GYS1: variants seen among roughly 807,000 people sequenced by gnomAD.
GYS1 encodes glycogen synthase 1.
In GYS1, 60 loss-of-function variants were observed where a neutral mutation model predicts 89.1. The observed-to-expected ratio is 0.67, with a 90% CI of 0.55 to 0.84. The LOEUF is 0.84. GYS1 is among the 40% of genes least tolerant of loss of function. The probability of loss-of-function intolerance (pLI) is 0.00; values close to 1 mark genes in which losing one functional copy is unlikely to be tolerated. For missense variants in GYS1, 888 were observed against 1,003.1 expected (o/e 0.89, Z 1.55); for synonymous variants, 366 against 401.7 (o/e 0.91, Z 1.06).
rs200703195 is a variant in GYS1, at chr19:48,985,867, A to C, written c.661T>G (p.Tyr221Asp). 1.9e-6 allele frequency: 3 copies of C among 1,613,558 alleles called. No homozygotes were observed. Among genetic ancestry groups the C allele is most frequent in the Non-Finnish European group, 2.5e-6 (3 of 1,180,028 alleles). ...CAGCTCACGTTCTCCAGGTTGTTGT[A>C]GAAGTCCACGGCACCGGCACACAGG... ...RYLCAGAVDF[Y>D]NNLENFNVDK... The change falls in exon 4 of 16, where the codon TAC becomes GAC. Residue 221 changes from tyrosine to aspartate, a missense_variant. Tyr to Asp is a radical substitution (Grantham distance 160, BLOSUM62 -3). Coordinates refer to ENST00000323798, the MANE Select transcript of GYS1 (RefSeq NM_002103.5).
chr19:48,970,580 A>G lies in GYS1; in HGVS notation c.1775T>C (p.Leu592Pro). 6.2e-7 allele frequency: 1 copy of G among 1,613,724 alleles called. No individual in the cohort carries two copies. The highest frequency in any genetic ancestry group is 8.5e-7 in the Non-Finnish European group (1 of 1,179,854). Residue 592 changes from leucine (L) to proline (P), a missense_variant, in exon 14 of 16, where the codon CTC becomes CCC. Physicochemically the swap from Leu to Pro is moderately conservative, Grantham distance 98. Coordinates refer to ENST00000323798, the MANE Select transcript of GYS1 (RefSeq NM_002103.5). ...GTATTTCCAGTCCAGAAGGTCGGAG[A>G]GGCGCTCCGTGCGGTTCCGCTGGAT... ...RIIQRNRTER[L>P]SDLLDWKYLG...
intron 8 of GYS1, 97 bp downstream of exon 8, chr19:48,981,428 CAAACA>C (rs1285203645): frequency 1.3e-6 from 1 of 761,170 alleles, no homozygotes; most frequent in African/African-American, 1.7e-5. Context: ...AACAAACAAA[CAAACA>C]AACAAAACAA....
Position 48,991,558 on chromosome 19 carries a change from G to T in GYS1, c.119-75C>A. Reference sequence around the variant, plus strand: ...TGGGGCCTGGGGTGGGGTGGGCCGGGGATGTAGGGGGCACTCAGGCCCCAG... The same window carrying T: ...TGGGGCCTGGGGTGGGGTGGGCCGGTGATGTAGGGGGCACTCAGGCCCCAG... On this transcript the variant is annotated intron_variant, in intron 1 of 15. Coordinates refer to ENST00000323798, the MANE Select transcript of GYS1 (RefSeq NM_002103.5). This position sits in a 1 kb window ranked among gnomAD's most constrained non-coding sequence, Gnocchi z 4.7. The T allele has an allele frequency of 6.7e-7, 1 of 1,483,896 alleles. No individual in the cohort carries two copies. The highest frequency in any genetic ancestry group is 9.4e-7 in the Non-Finnish European group (1 of 1,067,302). 91.9% of individuals were successfully genotyped at this position (1,483,896 alleles called of 1,614,324 possible).
chr19:48,979,382 CAG>C (rs111288832), intron 8 of GYS1, among the ~76,000 whole-genome samples: 2,476 of 80,478 alleles, frequency 0.031, 148 homozygotes, highest in African/African-American at 0.1. Flanking sequence ...TTTTTTGAGA[CAG>C]AGTCTTGCTC....
At chr19:48,992,970 G>A in intron 1 of GYS1, 25 bp downstream of exon 1, 1 of 1,351,246 alleles carries the variant, frequency 7.4e-7, no homozygotes, top group Non-Finnish European at 1.1e-6. Flanking sequence ...TTCTCGTCAA[G>A]GGCCCCGACG....
At chr19:48,983,289 C>A (rs1275773875) in intron 5 of GYS1, among the ~76,000 whole-genome samples, 1 of 152,164 alleles carries the variant, frequency 6.6e-6, no homozygotes, top group African/African-American at 2.4e-5. Flanking sequence ...CCATGCCTGG[C>A]CAGTTCCCTT....
In GYS1 at chr19:48,968,612, G is replaced by C. The variant is rs1235890117; in HGVS notation, c.*676C>G. 3 of 454,260 alleles carry C rather than the reference G, an allele frequency of 6.6e-6. No individual in the cohort carries two copies. Among genetic ancestry groups the C allele is most frequent in the Non-Finnish European group, 1.3e-5 (3 of 226,812 alleles). 28.1% of individuals were successfully genotyped at this position (454,260 alleles called of 1,614,324 possible). A position where few individuals can be genotyped will look rare whatever the true frequency, so the allele number is the denominator to read the frequency against. On this transcript the variant is annotated 3_prime_UTR_variant, in exon 16 of 16. Transcript: ENST00000323798. ...GACTGAGACTGTGTGTCCTCCAGAA[G>C]GAATGAGCAGCCAAGTGGTTCTACC...
At chr19:48,990,699 C>A (rs1404920003) in intron 2 of GYS1, among the ~76,000 whole-genome samples, 1 of 152,228 alleles carries the variant, frequency 6.6e-6, no homozygotes, top group African/African-American at 2.4e-5. Flanking sequence ...TAGCCAAGGA[C>A]ACACAGGCAG....
intron 7 of GYS1, 25 bp from the exon 8 acceptor site, chr19:48,981,661 G>C: frequency 6.8e-7 from 1 of 1,467,118 alleles, no homozygotes; most frequent in East Asian, 2.3e-5. Flanking sequence ...AGGAGGGGGA[G>C]GCCAGGATCA....
chr19:48,978,414 G>A (rs1033926876), intron 8 of GYS1, among the ~76,000 whole-genome samples: 1 of 151,186 alleles, frequency 6.6e-6, no homozygotes, highest in African/African-American at 2.4e-5. Context: ...TAGTAGAGAC[G>A]GGGTTTCTCC....
At chr19:48,981,501 C>G (rs368466027) in intron 8 of GYS1, 29 bp downstream of exon 8, 2 of 1,247,464 alleles carry the variant, frequency 1.6e-6, no homozygotes. Context: ...GAGTGGGCTG[C>G]GCCAGGGGCC....
intron 5 of GYS1, among the ~76,000 whole-genome samples, chr19:48,985,027 C>T (rs1190167444): frequency 6.6e-6 from 1 of 152,140 alleles, no homozygotes. Context: ...GTATTAAATG[C>T]ATTTTTTTAT....
rs563992781 is a variant in GYS1, at chr19:48,977,336, T to C, written c.1308+588A>G. On this transcript the variant is annotated intron_variant, in intron 10 of 15. Coordinates refer to ENST00000323798, the MANE Select transcript of GYS1 (RefSeq NM_002103.5). ...GGCTGGGAACAGGGACTCACGCTTG[T>C]AAACTCAGCACTTTGGGAGGCTGAG... 3.3e-3 allele frequency among the ~76,000 whole-genome samples: 503 copies of C among 152,290 alleles called. 3 individuals carry two copies. The highest frequency in any genetic ancestry group is 4.8e-3 in the Non-Finnish European group (325 of 68,008).
rs777178030 is a variant in GYS1, at chr19:48,979,336, C to CTTTT, written c.1170-1183_1170-1180dup. ...TTTGTCTCTTTTTCTTTTTTCTTTT[C>CTTTT]TTTTTTTTTTTTTTTTTTTTTTTTT... On this transcript the variant is annotated intron_variant, in intron 8 of 15. Coordinates refer to ENST00000323798, the MANE Select transcript of GYS1 (RefSeq NM_002103.5). 2.3e-3 allele frequency among the ~76,000 whole-genome samples: 216 copies of CTTTT among 92,276 alleles called. 9 individuals are homozygous for CTTTT. Among genetic ancestry groups the CTTTT allele is most frequent in the Non-Finnish European group, 3.3e-3 (148 of 44,614 alleles). The allele number at this position is 92,276 out of a possible 152,430, so 60.5% of individuals were successfully genotyped here.
chr19:48,970,869 A>G, intron 13 of GYS1, 59 bp downstream of exon 13: 1 of 1,463,060 alleles, frequency 6.8e-7, no homozygotes, highest in Non-Finnish European at 9.6e-7. Context: ...CCTTCCCAGG[A>G]TCCAGGAGTC....
At position 48,990,140 on chromosome 19, in the gene GYS1, G is replaced by A. The variant is rs180900753; in HGVS notation, c.300+1162C>T. Among the ~76,000 whole-genome samples the A allele has an allele frequency of 2.0e-5, 3 of 151,964 alleles. No homozygotes were observed. In the East Asian group the frequency reaches 5.8e-4, roughly 29 times the overall value. ...GACCCCACCCCAAACCAGAGGCTGT[G>A]AATGAGTAAAGGAACCACAGTGCCT... is the stretch of plus-strand genomic sequence containing the variant. On this transcript the variant is annotated intron_variant, in intron 2 of 15. Transcript: ENST00000323798.
At chr19:48,971,160 C>G (rs914672276) in intron 12 of GYS1, 137 bp from the exon 13 acceptor site, 2 of 718,040 alleles carry the variant, frequency 2.8e-6, no homozygotes, top group African/African-American at 1.7e-5. Flanking sequence ...GCTGAGCCCC[C>G]ACAACCAGGC....
intron 8 of GYS1, among the ~76,000 whole-genome samples, chr19:48,979,510 T>G (rs2038718723): frequency 6.6e-6 from 1 of 151,648 alleles, no homozygotes; most frequent in African/African-American, 2.4e-5. Flanking sequence ...CTAATTTTTA[T>G]ATTTTTAGTA....
chr19:48,991,260 G>C lies in GYS1; in HGVS notation c.300+42C>G, dbSNP rs745586531. ...GTCTGTGGCTCCCACCCCGATGGCA[G>C]GCTGTCCACCCGCTTCTGCCCTGGG... On this transcript the variant is annotated intron_variant, in intron 2 of 15. Coordinates refer to ENST00000323798, the MANE Select transcript of GYS1 (RefSeq NM_002103.5). The surrounding 1 kb of genome is among the most constrained non-coding windows in gnomAD (Gnocchi z 4.7). 7 of 1,601,432 alleles carry C rather than the reference G, an allele frequency of 4.4e-6. No homozygotes were observed. The Admixed American group carries it at 1.0e-4, about 23-fold the overall frequency.
Sources: gnomAD v4.1 joint callset for allele counts (sites outside exome capture counted in the v4.1 genomes callset) on GRCh38, gnomAD v4.1.1 for gene constraint, Gnocchi (gnomAD v3.1) non-coding constraint, MANE v1.5 for transcripts, NCBI Gene and HGNC (gene_info 2026-07-23, HGNC 2026-07-21) for gene names.